The following ANK3 variants were observed in gnomAD, a reference collection of about 807,000 sequenced individuals.
ANK3 encodes the protein ankyrin 3, also known as ankyrin-3.
In ANK3, 57 loss-of-function variants were observed where a neutral mutation model predicts 370.9. The ratio of observed to expected loss-of-function variants is 0.15; its 90% CI spans 0.12 to 0.19. The LOEUF is 0.19. Among genes scored for constraint, ANK3 ranks in the 10% least tolerant of loss-of-function variants. ANK3 has a pLI of 1.00. For synonymous variants in ANK3, 1,929 were observed against 1,946.3 expected, an observed-to-expected ratio of 0.99 and a Z score of 0.23; for missense variants, 4,439 against 5,302.1, an observed-to-expected ratio of 0.84 and a Z score of 5.06.
intron 42 of ANK3, among the ~76,000 whole-genome samples, chr10:60,051,187 C>A (rs1171296686): frequency 6.6e-6 from 1 of 152,124 alleles, no homozygotes; most frequent in African/African-American, 2.4e-5. Context: ...TTTGCTCATT[C>A]ACATAACACT....
At chr10:60,478,568 A>G (rs1244088065) in intron 2 of ANK3, among the ~76,000 whole-genome samples, 1 of 152,140 alleles carries the variant, frequency 6.6e-6, no homozygotes, top group East Asian at 1.9e-4. Flanking sequence ...ATTGCTGAGA[A>G]CAAAGAAATA....
intron 2 of ANK3, among the ~76,000 whole-genome samples, chr10:60,529,999 C>G (rs543653019): frequency 1.3e-5 from 2 of 152,272 alleles, no homozygotes; most frequent in East Asian, 3.9e-4. Flanking sequence ...CATCCCACCC[C>G]CTGCTTTTGA....
intron 1 of ANK3, among the ~76,000 whole-genome samples, chr10:60,295,220 CTG>C (rs2042248807): frequency 6.6e-6 from 1 of 152,188 alleles, no homozygotes; most frequent in Admixed American, 6.6e-5. Context: ...AGTTCAGACT[CTG>C]GACCCAGGAT....
chr10:60,407,537 T>C (rs577471003), intron 2 of ANK3, among the ~76,000 whole-genome samples: 2 of 152,216 alleles, frequency 1.3e-5, no homozygotes, highest in African/African-American at 4.8e-5. Flanking sequence ...CAATAATAGA[T>C]CCATTTAATG....
At chr10:60,306,635 T>C (rs2045198358) in intron 1 of ANK3, among the ~76,000 whole-genome samples, 1 of 152,144 alleles carries the variant, frequency 6.6e-6, no homozygotes, top group Non-Finnish European at 1.5e-5. Context: ...TTTTAGTTCT[T>C]TAAGGAATCT....
At chr10:60,045,090 A>G (rs1168648416) in intron 42 of ANK3, among the ~76,000 whole-genome samples, 1 of 152,234 alleles carries the variant, frequency 6.6e-6, no homozygotes, top group African/African-American at 2.4e-5. Flanking sequence ...TAATAAAAAA[A>G]AATGAGAACA....
At chr10:60,257,376 A>G (rs1466919995) in intron 7 of ANK3, among the ~76,000 whole-genome samples, 42 of 152,204 alleles carry the variant, frequency 2.8e-4, no homozygotes, top group Non-Finnish European at 4.4e-5. Flanking sequence ...CATAAAGTTA[A>G]GTAGCTGGGC....
chr10:60,172,876 C>A, intron 20 of ANK3, 24 bp downstream of exon 20: 1 of 1,539,500 alleles, frequency 6.5e-7, no homozygotes, highest in Non-Finnish European at 9.0e-7. Flanking sequence ...TCCCTCTTCT[C>A]CTGAGCTGGC....
At chr10:60,455,932 G>A (rs1352632440) in intron 2 of ANK3, among the ~76,000 whole-genome samples, 1 of 152,202 alleles carries the variant, frequency 6.6e-6, no homozygotes, top group Non-Finnish European at 1.5e-5. Flanking sequence ...TTATTAAACA[G>A]TTCCCTCTTC....
At chr10:60,597,127 C>G (rs1266248184) in intron 2 of ANK3, among the ~76,000 whole-genome samples, 3 of 152,008 alleles carry the variant, frequency 2.0e-5, no homozygotes, top group African/African-American at 7.2e-5. Context: ...AAATAGAAAC[C>G]ATTAAATCAA....
intron 1 of ANK3, among the ~76,000 whole-genome samples, chr10:60,641,810 C>A (rs1451015465): frequency 1.2e-4 from 18 of 152,060 alleles, no homozygotes; most frequent in South Asian, 4.2e-4. Context: ...GAGCTTCTGC[C>A]CAGCAAGAGA....
chr10:60,321,763 C>A (rs2048717594), intron 1 of ANK3, among the ~76,000 whole-genome samples: 1 of 152,240 alleles, frequency 6.6e-6, no homozygotes, highest in Non-Finnish European at 1.5e-5. Flanking sequence ...ATTCTCTAAC[C>A]ACTGTGGAGC....
intron 1 of ANK3, among the ~76,000 whole-genome samples, chr10:60,724,209 C>CAAAA (rs398013720): frequency 2.9e-4 from 16 of 54,528 alleles, no homozygotes; most frequent in South Asian, 9.3e-4. Flanking sequence ...GACTCCGTCT[C>CAAAA]AAAAAAAAAA....
At chr10:60,186,955 A>T in intron 16 of ANK3, 43 bp from the exon 17 acceptor site, 1 of 1,570,486 alleles carries the variant, frequency 6.4e-7, no homozygotes, top group Non-Finnish European at 8.8e-7. Flanking sequence ...GGAACAAGAT[A>T]AAAATGTGCA....
chr10:60,726,533 T>C (rs1286462570), intron 1 of ANK3, among the ~76,000 whole-genome samples: 2 of 152,224 alleles, frequency 1.3e-5, no homozygotes, highest in African/African-American at 2.4e-5. Context: ...TCATCTCCAT[T>C]TTAAAGATGT....
chr10:60,458,080 T>C (rs1227678154), intron 2 of ANK3, among the ~76,000 whole-genome samples: 1 of 152,106 alleles, frequency 6.6e-6, no homozygotes, highest in Admixed American at 6.6e-5. Flanking sequence ...ATCTAGCACA[T>C]AGCATGAACA....
intron 1 of ANK3, among the ~76,000 whole-genome samples, chr10:60,698,345 G>C (rs1346075860): frequency 2.0e-5 from 3 of 151,502 alleles, no homozygotes; most frequent in Non-Finnish European, 4.4e-5. Flanking sequence ...TCAGTGTGGT[G>C]ATTCCTCAGG....
At chr10:60,468,934 T>C (rs2065074020) in intron 2 of ANK3, among the ~76,000 whole-genome samples, 3 of 144,550 alleles carry the variant, frequency 2.1e-5, no homozygotes, top group African/African-American at 7.7e-5. Flanking sequence ...TGTGTGTATA[T>C]ATACACACAT....
At chr10:60,226,273 C>A (rs1378320188) in intron 8 of ANK3, among the ~76,000 whole-genome samples, 1 of 100,454 alleles carries the variant, frequency 1.0e-5, no homozygotes, top group Non-Finnish European at 1.9e-5. Context: ...ACTATATATA[C>A]TATGTATATA....
Sources: gnomAD v4.1 joint callset for allele counts (sites outside exome capture counted in the v4.1 genomes callset) on GRCh38, gnomAD v4.1.1 for gene constraint, MANE v1.5 for transcripts, NCBI Gene and HGNC (gene_info 2026-07-23, HGNC 2026-07-21) for gene names.